POMT1: variants seen among roughly 807,000 people sequenced by gnomAD.
POMT1 encodes the protein protein O-mannosyltransferase 1.
POMT1 carries 85 observed loss-of-function variants against 101.6 expected under a neutral mutation model. That is an observed-to-expected ratio of 0.84 (90% CI 0.70 to 1.00). The LOEUF is 1.00. POMT1 is among the 50% of genes least tolerant of loss of function. The pLI, the probability that POMT1 is intolerant of heterozygous loss-of-function variation, is 0.00. For missense variants in POMT1, 857 were observed against 930.4 expected, an observed-to-expected ratio of 0.92 and a Z score of 1.03; for synonymous variants, 371 against 383.0, an observed-to-expected ratio of 0.97 and a Z score of 0.37.
rs1231997480 is a variant in POMT1, at chr9:131,519,083, G to A, written c.1486+126G>A. On this transcript the variant is annotated intron_variant, in intron 15 of 19. Transcript: ENST00000402686. This position sits in a 1 kb window ranked among gnomAD's most constrained non-coding sequence, Gnocchi z 4.3. The stretch of plus-strand genomic sequence containing the variant: ...AGCACATTCTCCATGCTCGGTGGCA[G>A]GTCATCTCCCTCCCTGCACCCTGCA... The A allele has an allele frequency of 4.8e-6, 7 of 1,450,312 alleles. No individual in the cohort carries two copies. The South Asian group carries it at 6.0e-5, about 12-fold the overall frequency. The allele number at this position is 1,450,312 out of a possible 1,614,324, so 89.8% of individuals were successfully genotyped here. A position where few individuals can be genotyped will look rare whatever the true frequency, so the allele number is the denominator to read the frequency against.
chr9:131,518,511 C>T lies in POMT1; in HGVS notation c.1339C>T (p.His447Tyr). The T allele has an allele frequency of 6.2e-7, 1 of 1,613,806 alleles. No homozygotes were observed. The highest frequency in any genetic ancestry group is 8.5e-7 in the Non-Finnish European group (1 of 1,179,882). Residue 447 changes from histidine to tyrosine, a missense_variant, in exon 14 of 20, where the codon CAC (histidine) becomes TAC (tyrosine). By Grantham distance (83) the His-to-Tyr change is moderately conservative. Coordinates refer to ENST00000402686, the MANE Select transcript of POMT1 (RefSeq NM_001077365.2). ...CATCCTCTCAGAGGTCCGCTTTGTG[C>T]ACGTGAACACTTCCGCTGTCTTAAA... ...KTILSEVRFV[H>Y]VNTSAVLKLS...
intron 14 of POMT1, 129 bp downstream of exon 14, chr9:131,518,666 A>G: frequency 7.2e-7 from 1 of 1,397,036 alleles, no homozygotes. Flanking sequence ...TTCCTCTTAC[A>G]CTGAGGGAGG....
chr9:131,513,956 C>T (rs1947719084), intron 12 of POMT1, among the ~76,000 whole-genome samples: 1 of 152,214 alleles, frequency 6.6e-6, no homozygotes. Context: ...ACCCGGCTGC[C>T]CGGGGCTCAC....
Position 131,522,530 on chromosome 9 carries a change from G to A in POMT1, c.2003+306G>A. 1 of 553,282 alleles carries A rather than the reference G, an allele frequency of 1.8e-6. No homozygotes were observed. Among genetic ancestry groups the A allele is most frequent in the Non-Finnish European group, 3.2e-6 (1 of 311,680 alleles). 34.3% of individuals were successfully genotyped at this position (553,282 alleles called of 1,614,324 possible). A position where few individuals can be genotyped will look rare whatever the true frequency, so the allele number is the denominator to read the frequency against. On this transcript the variant is annotated intron_variant, in intron 19 of 19. Transcript: ENST00000402686. This position sits in a 1 kb window ranked among gnomAD's most constrained non-coding sequence, Gnocchi z 5.5. ...AGGGAGCAAGGCCCAGGAGCCTGGG[G>A]TGTCAGAAACGGCAGCTGGTTATGG...
intron 4 of POMT1, 126 bp downstream of exon 4, chr9:131,506,579 C>T (rs1357448727): frequency 1.1e-6 from 1 of 874,452 alleles, no homozygotes; most frequent in South Asian, 1.4e-5. Flanking sequence ...GAAACTGTGC[C>T]TTATTAATCT....
Position 131,518,547 on chromosome 9 carries a change from C to G in POMT1, c.1365+10C>G, listed in dbSNP as rs200089530. Reference sequence around the variant, plus strand: ...TTCCGCTGTCTTAAAGGTAAGGACACTGTCCGTGGCTTGGCCTGTCCTGAG... The same window carrying G: ...TTCCGCTGTCTTAAAGGTAAGGACAGTGTCCGTGGCTTGGCCTGTCCTGAG... On this transcript the variant is annotated intron_variant, in intron 14 of 19. Coordinates refer to ENST00000402686, the MANE Select transcript of POMT1 (RefSeq NM_001077365.2). 1 of 1,609,856 alleles carries G rather than the reference C, an allele frequency of 6.2e-7. No homozygotes were observed. The highest frequency in any genetic ancestry group is 1.3e-5 in the African/African-American group (1 of 74,818).
chr9:131,514,485 A>G (rs1424744095), intron 12 of POMT1, among the ~76,000 whole-genome samples: 2 of 152,060 alleles, frequency 1.3e-5, no homozygotes, highest in Non-Finnish European at 2.9e-5. Flanking sequence ...GCTGTCCCCC[A>G]CCATTTGTTT....
chr9:131,508,376 C>CA (rs1413850351), intron 5 of POMT1, among the ~76,000 whole-genome samples: 1 of 151,428 alleles, frequency 6.6e-6, no homozygotes, highest in Non-Finnish European at 1.5e-5. Flanking sequence ...ACTAAAAATA[C>CA]AAAAATTAGC....
chr9:131,521,294 C>T, intron 17 of POMT1, 52 bp from the exon 18 acceptor site: 2 of 1,612,818 alleles, frequency 1.2e-6, no homozygotes, highest in East Asian at 2.2e-5. Flanking sequence ...CTCTTCTCTT[C>T]CCTCCCTGAG....
intron 9 of POMT1, 96 bp downstream of exon 9, chr9:131,510,511 A>C: frequency 6.9e-7 from 1 of 1,445,044 alleles, no homozygotes; most frequent in Non-Finnish European, 9.6e-7. Flanking sequence ...TTAGCACTTG[A>C]ATCAAAACAT....
At position 131,521,568 on chromosome 9, in the gene POMT1, G is replaced by T. The variant is rs1949922811; in HGVS notation, c.1825+96G>T. On this transcript the variant is annotated intron_variant, in intron 18 of 19. Coordinates refer to ENST00000402686, the MANE Select transcript of POMT1 (RefSeq NM_001077365.2). Reference sequence around the variant, plus strand: ...TGTTCTTGAACTCCTGGGCTTAAGCGATCCTCCTGCCTCGGCCTCCCATAG... The same window carrying T: ...TGTTCTTGAACTCCTGGGCTTAAGCTATCCTCCTGCCTCGGCCTCCCATAG... The T allele has an allele frequency of 4.2e-6, 6 of 1,423,752 alleles. No homozygotes were observed. The South Asian group carries it at 7.1e-5, about 17-fold the overall frequency. 88.2% of individuals were successfully genotyped at this position (1,423,752 alleles called of 1,614,324 possible). A position where few individuals can be genotyped will look rare whatever the true frequency, so the allele number is the denominator to read the frequency against.
At chr9:131,510,758 G>A (rs1298882351) in intron 9 of POMT1, 1 of 369,648 alleles carries the variant, frequency 2.7e-6, no homozygotes, top group Non-Finnish European at 5.2e-6. Flanking sequence ...CGCCTGCCTC[G>A]GCCTCTCAAA....
intron 17 of POMT1, 130 bp from the exon 18 acceptor site, chr9:131,521,216 C>A: frequency 7.6e-7 from 1 of 1,320,802 alleles, no homozygotes; most frequent in Non-Finnish European, 1.1e-6. Context: ...CTAGTGGATG[C>A]TAGGCTGTGC....
chr9:131,523,374 T>G lies in POMT1; in HGVS notation c.*268T>G, dbSNP rs1351396622. On this transcript the variant is annotated 3_prime_UTR_variant, in exon 20 of 20. Transcript: ENST00000402686. Reference sequence around the variant, plus strand: ...ACAGGGAGTATTTCAGAGGCCAGCGTAGGAGTCATTGACAACAAAAAGCCG... The same window carrying G: ...ACAGGGAGTATTTCAGAGGCCAGCGGAGGAGTCATTGACAACAAAAAGCCG... 3 of 490,086 alleles carry G rather than the reference T, an allele frequency of 6.1e-6. No homozygotes were observed. The highest frequency in any genetic ancestry group is 7.9e-5 in the East Asian group (2 of 25,410). The allele number at this position is 490,086 out of a possible 1,614,324, so 30.4% of individuals were successfully genotyped here.
chr9:131,516,394 CGGAGCACTTCCTCACAG>C (rs1003892994), intron 13 of POMT1, among the ~76,000 whole-genome samples: 3 of 151,506 alleles, frequency 2.0e-5, no homozygotes, highest in African/African-American at 7.3e-5. Flanking sequence ...CTTCCTCACA[CGGAGCACTTCCTCACAG>C]GGAGCACTCC....
At chr9:131,510,505 C>A (rs750183548) in intron 9 of POMT1, 90 bp downstream of exon 9, 2 of 1,459,720 alleles carry the variant, frequency 1.4e-6, no homozygotes, top group Non-Finnish European at 1.9e-6. Context: ...TGAACATTAG[C>A]ACTTGAATCA....
intron 4 of POMT1, chr9:131,506,761 C>G: frequency 2.4e-6 from 1 of 412,628 alleles, no homozygotes; most frequent in Non-Finnish European, 4.5e-6. Context: ...TCCATTGCCA[C>G]AATGTTTTTG....
intron 13 of POMT1, 146 bp from the exon 14 acceptor site, chr9:131,518,299 C>G (rs750430061): frequency 2.6e-5 from 21 of 820,312 alleles, no homozygotes; most frequent in Non-Finnish European, 4.6e-5. Context: ...AAGGCCAGTA[C>G]CAGCCCCTTA....
intron 18 of POMT1, among the ~76,000 whole-genome samples, chr9:131,521,832 T>C (rs1949987996): frequency 6.6e-6 from 1 of 152,154 alleles, no homozygotes; most frequent in African/African-American, 2.4e-5. Flanking sequence ...GCGCTGGAAA[T>C]GGCTGGGTAA....
Sources: allele counts gnomAD v4.1 joint callset (sites outside exome capture counted in the v4.1 genomes callset), GRCh38; gene constraint gnomAD v4.1.1; non-coding constraint Gnocchi (gnomAD v3.1); transcripts MANE v1.5; gene names NCBI Gene and HGNC (gene_info 2026-07-23, HGNC 2026-07-21).